CACNG2: variants seen among roughly 807,000 people sequenced by gnomAD.
CACNG2 encodes the protein voltage-dependent calcium channel gamma-2 subunit.
Under a neutral mutation model 25.9 loss-of-function variants are expected in CACNG2, and 3 were observed. The ratio of observed to expected loss-of-function variants is 0.12; its 90% CI spans 0.05 to 0.30. The LOEUF (loss-of-function observed/expected upper bound fraction) is 0.30. Ranked by LOEUF, CACNG2 falls within the 10% of genes least tolerant of loss-of-function variation. CACNG2 has a pLI of 1.00. For missense variants in CACNG2, 341 were observed against 432.5 expected (o/e 0.79, Z 1.88); for synonymous variants, 167 against 173.3 (o/e 0.96, Z 0.29).
At chr22:36,574,500 C>G (rs977850008) in intron 2 of CACNG2, among the ~76,000 whole-genome samples, 6 of 151,944 alleles carry the variant, frequency 3.9e-5, no homozygotes, top group African/African-American at 1.4e-4. Context: ...AGGGGAGGAG[C>G]CTGGGCGAGG....
At chr22:36,663,535 G>C (rs1936830013) in intron 1 of CACNG2, among the ~76,000 whole-genome samples, 1 of 150,782 alleles carries the variant, frequency 6.6e-6, no homozygotes, top group African/African-American at 2.4e-5. Context: ...ATAAATGACA[G>C]AGAGAGAAGG....
intron 2 of CACNG2, among the ~76,000 whole-genome samples, chr22:36,587,077 A>T (rs570556855): frequency 1.3e-5 from 2 of 152,172 alleles, no homozygotes; most frequent in African/African-American, 4.8e-5. Context: ...TGAGAATATA[A>T]TGGTGAATGC....
At chr22:36,639,915 G>T (rs1386480523) in intron 1 of CACNG2, among the ~76,000 whole-genome samples, 4 of 152,118 alleles carry the variant, frequency 2.6e-5, no homozygotes, top group Non-Finnish European at 5.9e-5. Context: ...ACTTTTTGAG[G>T]AGGGGCCATT....
chr22:36,624,024 G>A (rs768217522), intron 1 of CACNG2, among the ~76,000 whole-genome samples: 10 of 152,026 alleles, frequency 6.6e-5, no homozygotes, highest in African/African-American at 1.7e-4. Flanking sequence ...GTTCCTAAGC[G>A]GCGACTCCTC....
intron 1 of CACNG2, among the ~76,000 whole-genome samples, chr22:36,654,276 CGT>C (rs1335140773): frequency 6.6e-6 from 1 of 151,724 alleles, no homozygotes; most frequent in Non-Finnish European, 1.5e-5. Flanking sequence ...GTTGTGTGTG[CGT>C]GTGTTTCAAG....
intron 1 of CACNG2, among the ~76,000 whole-genome samples, chr22:36,698,341 ATC>A (rs1339521164): frequency 6.6e-6 from 1 of 152,216 alleles, no homozygotes; most frequent in South Asian, 2.1e-4. Context: ...AAGTCAAATT[ATC>A]TTGGGAATTA....
Position 36,670,295 on chromosome 22 carries a change from CCAT to C in CACNG2, c.211+32068_211+32070del, listed in dbSNP as rs778329873. 4.3e-3 allele frequency among the ~76,000 whole-genome samples: 660 copies of C among 152,288 alleles called. 5 individuals carry two copies. Among genetic ancestry groups the C allele is most frequent in the Middle Eastern group, 6.8e-3 (2 of 294 alleles). ...AGTTCATTTTTTGAAACCCAATTCT[CCAT>C]CATCCCAGCTTTTGGGACCTAACAA... On this transcript the variant is annotated intron_variant, in intron 1 of 3. Coordinates refer to ENST00000300105, the MANE Select transcript of CACNG2 (RefSeq NM_006078.5).
At position 36,606,007 on chromosome 22, in the gene CACNG2, C is replaced by T. The variant is rs1935826209; in HGVS notation, c.212-18459G>A. ...GAAGCCCTGTGGTGTGGTGGCTGTG[C>T]CTCTCGCAGGAGAGCGTGGGTCTGA... On this transcript the variant is annotated intron_variant, in intron 1 of 3. Transcript: ENST00000300105. The surrounding 1 kb of genome is among the most constrained non-coding windows in gnomAD (Gnocchi z 5.7). Among the ~76,000 whole-genome samples, 1 of 152,208 alleles carries T rather than the reference C, an allele frequency of 6.6e-6. No homozygotes were observed. The highest frequency in any genetic ancestry group is 2.4e-5 in the African/African-American group (1 of 41,446).
At chr22:36,589,394 G>A (rs567126532) in intron 1 of CACNG2, among the ~76,000 whole-genome samples, 19 of 152,254 alleles carry the variant, frequency 1.2e-4, no homozygotes, top group African/African-American at 2.4e-4. Flanking sequence ...TAGTGAAACC[G>A]TAATTACTTT....
intron 2 of CACNG2, among the ~76,000 whole-genome samples, chr22:36,577,046 C>T (rs1205308063): frequency 6.6e-6 from 1 of 152,142 alleles, no homozygotes; most frequent in Non-Finnish European, 1.5e-5. Flanking sequence ...AGAAAGGCTG[C>T]CGGAGTCCAT....
intron 1 of CACNG2, among the ~76,000 whole-genome samples, chr22:36,676,985 T>C (rs1937028726): frequency 6.9e-6 from 1 of 144,986 alleles, no homozygotes; most frequent in South Asian, 2.2e-4. Context: ...AAATCTTTTG[T>C]CAGCAGCAAA....
At chr22:36,607,466 G>A (rs1467101888) in intron 1 of CACNG2, among the ~76,000 whole-genome samples, 2 of 152,092 alleles carry the variant, frequency 1.3e-5, no homozygotes, top group Non-Finnish European at 2.9e-5. Context: ...ACGTTTCCCA[G>A]GCTGGGCTCA....
intron 1 of CACNG2, among the ~76,000 whole-genome samples, chr22:36,699,809 G>A (rs550831167): frequency 2.0e-5 from 3 of 152,280 alleles, no homozygotes; most frequent in Admixed American, 1.3e-4. Context: ...GACTGTCTAC[G>A]CCAACTTCCA....
intron 2 of CACNG2, among the ~76,000 whole-genome samples, chr22:36,568,118 G>A (rs1336259192): frequency 6.6e-6 from 1 of 152,136 alleles, no homozygotes; most frequent in Non-Finnish European, 1.5e-5. Flanking sequence ...AAAGTGCTGG[G>A]ATTACAGGCT....
At chr22:36,644,674 C>T (rs1291572537) in intron 1 of CACNG2, among the ~76,000 whole-genome samples, 1 of 152,162 alleles carries the variant, frequency 6.6e-6, no homozygotes, top group Non-Finnish European at 1.5e-5. Flanking sequence ...TCAGTTTTCT[C>T]ACCTGTAAAA....
At chr22:36,646,684 T>C (rs1179129387) in intron 1 of CACNG2, among the ~76,000 whole-genome samples, 1 of 151,778 alleles carries the variant, frequency 6.6e-6, no homozygotes, top group Non-Finnish European at 1.5e-5. Flanking sequence ...ATTTTCTAGT[T>C]GTATGCTCTT....
At chr22:36,585,997 A>G (rs762222083) in intron 2 of CACNG2, among the ~76,000 whole-genome samples, 1 of 152,392 alleles carries the variant, frequency 6.6e-6, no homozygotes, top group South Asian at 2.1e-4. Context: ...CAGATAAAGC[A>G]TGACATCATT....
At position 36,564,798 on chromosome 22, in the gene CACNG2, T is replaced by G. The variant is rs535062605; in HGVS notation, c.525A>C (p.Ser175=). Residue 175 remains serine (S), a synonymous_variant, in exon 4 of 4, where the codon TCA becomes TCC. Coordinates refer to ENST00000300105, the MANE Select transcript of CACNG2 (RefSeq NM_006078.5). The surrounding 1 kb of genome is among the most constrained non-coding windows in gnomAD (Gnocchi z 6.7). The part of the protein sequence containing the change: ...SKSDSKKNSY[S]YGWSFYFGAL... ...CCCCGAAGTAGAAGGACCAGCCGTA[T>G]GAGTAACTATTCTTTTTGGAGTCGC... 1 of 1,614,232 alleles carries G rather than the reference T, an allele frequency of 6.2e-7. No homozygotes were observed. Among genetic ancestry groups the G allele is most frequent in the East Asian group, 2.2e-5 (1 of 44,880 alleles).
At chr22:36,672,149 ATT>A in intron 1 of CACNG2, among the ~76,000 whole-genome samples, 1 of 146,034 alleles carries the variant, frequency 6.8e-6, no homozygotes, top group African/African-American at 2.5e-5. Flanking sequence ...GTGGGGCTAC[ATT>A]TTTTTTTTTC....
Sources: gnomAD v4.1 joint callset for allele counts (sites outside exome capture counted in the v4.1 genomes callset) on GRCh38, gnomAD v4.1.1 for gene constraint, Gnocchi (gnomAD v3.1) non-coding constraint, MANE v1.5 for transcripts, NCBI Gene and HGNC (gene_info 2026-07-23, HGNC 2026-07-21) for gene names.